Variants in TTC21A observed in about 807,000 individuals in gnomAD.
TTC21A encodes the protein tetratricopeptide repeat domain 21A.
TTC21A carries 128 observed loss-of-function variants against 156.4 expected under a neutral mutation model. That is an observed-to-expected ratio of 0.82 (90% CI 0.71 to 0.95). The LOEUF (loss-of-function observed/expected upper bound fraction) is 0.95, where lower values mean the gene tolerates loss of function less well. Ranked by LOEUF, TTC21A falls within the 40% of genes least tolerant of loss-of-function variation. The pLI is 0.00. For synonymous variants in TTC21A, 587 were observed against 617.1 expected (o/e 0.95, Z 0.72); for missense variants, 1,435 against 1,602.3 (o/e 0.90, Z 1.78).
At chr3:39,131,135 G>A (rs756805739) in intron 19 of TTC21A, 40 bp downstream of exon 19, 1 of 1,522,550 alleles carries the variant, frequency 6.6e-7, no homozygotes, top group Non-Finnish European at 9.0e-7. Flanking sequence ...TCTGCCATCT[G>A]CTGATGGGGG....
intron 1 of TTC21A, chr3:39,108,304 T>G: frequency 5.6e-6 from 1 of 177,840 alleles, no homozygotes; most frequent in Non-Finnish European, 1.2e-5. Flanking sequence ...TTTTATCTTC[T>G]AGCCCAGAAC....
In TTC21A at chr3:39,130,420, C is replaced by T. The variant is rs917120871; in HGVS notation, c.2319+62C>T. On this transcript the variant is annotated intron_variant, in intron 17 of 28. Coordinates refer to ENST00000683103, the MANE Select transcript of TTC21A (RefSeq NM_001366900.1). The surrounding 1 kb of genome is among the most constrained non-coding windows in gnomAD (Gnocchi z 4.5). ...CCAGCCCAGCAGGGAAGGAGGAGGA[C>T]GGTACATGACTGGGGAGCTCTGGGT... is the stretch of plus-strand genomic sequence containing the variant. 58 of 1,343,736 alleles carry T rather than the reference C, an allele frequency of 4.3e-5. No homozygotes were observed. Among genetic ancestry groups the T allele is most frequent in the Admixed American group, 6.3e-5 (3 of 47,834 alleles). The allele number at this position is 1,343,736 out of a possible 1,614,324, so 83.2% of individuals were successfully genotyped here. A position where few individuals can be genotyped will look rare whatever the true frequency, so the allele number is the denominator to read the frequency against.
intron 13 of TTC21A, 96 bp downstream of exon 13, chr3:39,128,584 G>A (rs1421876862): frequency 7.0e-5 from 111 of 1,576,834 alleles, no homozygotes; most frequent in Non-Finnish European, 8.4e-5. Context: ...GCTGTGTCCC[G>A]TAGATCTTTC....
intron 7 of TTC21A, chr3:39,119,005 T>C (rs1324824839): frequency 6.6e-6 from 1 of 152,142 alleles, no homozygotes; most frequent in Non-Finnish European, 1.5e-5. Context: ...AATAAGAGAA[T>C]AGGACTATCC....
chr3:39,115,491 T>A (rs2037210161), intron 6 of TTC21A, among the ~76,000 whole-genome samples: 1 of 152,082 alleles, frequency 6.6e-6, no homozygotes, highest in African/African-American at 2.4e-5. Flanking sequence ...TGAGACCTTG[T>A]CTCTACAGAA....
At chr3:39,128,574 G>A in intron 13 of TTC21A, 86 bp downstream of exon 13, 1 of 1,582,464 alleles carries the variant, frequency 6.3e-7, no homozygotes, top group Admixed American at 1.7e-5. Flanking sequence ...CCAGGGGCTA[G>A]CTGTGTCCCG....
In TTC21A at chr3:39,138,324, A is replaced by C; in HGVS notation, c.3733A>C (p.Lys1245Gln). 1 of 1,614,170 alleles carries C rather than the reference A, an allele frequency of 6.2e-7. No individual in the cohort carries two copies. Among genetic ancestry groups the C allele is most frequent in the Non-Finnish European group, 8.5e-7 (1 of 1,180,014 alleles). Residue 1245 changes from lysine to glutamine, a missense_variant, in exon 27 of 29, where the codon AAG (lysine) becomes CAG (glutamine). Physicochemically the swap from Lys to Gln is moderately conservative, Grantham distance 53 (BLOSUM62 1). Coordinates refer to ENST00000683103, the MANE Select transcript of TTC21A (RefSeq NM_001366900.1). Reference protein sequence around the residue: ...GFIMEKEQSYKDAVTNYKLAW... With the variant: ...GFIMEKEQSYQDAVTNYKLAW... ...CATCATGGAGAAGGAGCAGTCCTAC[A>C]AGGATGCAGTCACCAACTACAAACT...
intron 5 of TTC21A, among the ~76,000 whole-genome samples, chr3:39,113,112 T>G (rs1391471965): frequency 6.6e-6 from 1 of 152,244 alleles, no homozygotes; most frequent in East Asian, 1.9e-4. Context: ...TTGCATATAT[T>G]TTTATTATAA....
rs148780279 is a variant in TTC21A, at chr3:39,118,436, G to A, written c.801+283G>A. ...GCAGGTGTCCCCACCTGGATAAGCC[G>A]CAGGCTTCCTGTTTGTAAAATAGAC... On this transcript the variant is annotated intron_variant, in intron 7 of 28. Coordinates refer to ENST00000683103, the MANE Select transcript of TTC21A (RefSeq NM_001366900.1). 2.5e-3 allele frequency: 1,273 copies of A among 507,452 alleles called. 5 individuals carry two copies. Among genetic ancestry groups the A allele is most frequent in the Non-Finnish European group, 3.8e-3 (1,070 of 281,852 alleles). The allele number at this position is 507,452 out of a possible 1,614,324, so 31.4% of individuals were successfully genotyped here. A position where few individuals can be genotyped will look rare whatever the true frequency, so the allele number is the denominator to read the frequency against.
rs1409158454 is a variant in TTC21A at position 39,130,135 on chromosome 3, T to C, written c.2192T>C (p.Leu731Ser). 6.2e-7 allele frequency: 1 copy of C among 1,614,034 alleles called. No homozygotes were observed. The highest frequency in any genetic ancestry group is 2.2e-5 in the East Asian group (1 of 44,884). Residue 731 changes from leucine to serine, a missense_variant, in exon 16 of 29, where the codon TTA (leucine) becomes TCA (serine). Transcript: ENST00000683103. The surrounding 1 kb of genome is among the most constrained non-coding windows in gnomAD (Gnocchi z 4.5). Reference protein sequence around the residue: ...PHTSLLLGDALMSILEPEKAL... With the variant: ...PHTSLLLGDASMSILEPEKAL... ...ACCAGCCTGCTACTGGGCGATGCCT[T>C]AATGAGCATTCTGGAGGTAAGTGAG...
chr3:39,136,846 C>T (rs550574408), intron 23 of TTC21A, 53 bp from the exon 24 acceptor site: 3 of 1,600,746 alleles, frequency 1.9e-6, no homozygotes, highest in East Asian at 2.2e-5. Flanking sequence ...ATATCCCTGC[C>T]CTGTCTGGGC....
At chr3:39,111,552 G>C (rs1179473575) in intron 4 of TTC21A, among the ~76,000 whole-genome samples, 1 of 152,130 alleles carries the variant, frequency 6.6e-6, no homozygotes, top group East Asian at 1.9e-4. Flanking sequence ...CTGTATATCT[G>C]CACTAATATG....
At position 39,138,694 on chromosome 3, in the gene TTC21A, T is replaced by C. The variant is rs2039326519; in HGVS notation, c.3865-17T>C. Reference sequence around the variant, plus strand: ...AAACCTGCATGATACTGCACACCCATTCTCTCTCTGTTCCAGGTCCTCAGG... The same window carrying C: ...AAACCTGCATGATACTGCACACCCACTCTCTCTCTGTTCCAGGTCCTCAGG... On this transcript the variant is annotated splice_polypyrimidine_tract_variant and intron_variant, in intron 28 of 28. Transcript: ENST00000683103. 1.2e-6 allele frequency: 2 copies of C among 1,614,048 alleles called. No individual in the cohort carries two copies. Among genetic ancestry groups the C allele is most frequent in the Non-Finnish European group, 8.5e-7 (1 of 1,179,924 alleles).
At chr3:39,108,795 A>G (rs1328990850) in intron 1 of TTC21A, among the ~76,000 whole-genome samples, 1 of 152,096 alleles carries the variant, frequency 6.6e-6, no homozygotes, top group Non-Finnish European at 1.5e-5. Context: ...TTCCCCCCTT[A>G]TTCCCTTCCT....
chr3:39,135,075 T>C lies in TTC21A; in HGVS notation c.2863-18T>C, dbSNP rs1575560119. 6.2e-7 allele frequency: 1 copy of C among 1,612,588 alleles called. No individual in the cohort carries two copies. The highest frequency in any genetic ancestry group is 1.7e-4 in the Middle Eastern group (1 of 5,978). On this transcript the variant is annotated intron_variant, in intron 21 of 28. Coordinates refer to ENST00000683103, the MANE Select transcript of TTC21A (RefSeq NM_001366900.1). ...TGCCACTGTTGGGAAATCTGGAGCT[T>C]TGTGTGTTTTCTGATAGTTGATGGC...
At chr3:39,137,752 A>G (rs774806923) in intron 26 of TTC21A, 42 bp downstream of exon 26, 1 of 1,563,798 alleles carries the variant, frequency 6.4e-7, no homozygotes, top group Non-Finnish European at 8.7e-7. Flanking sequence ...GATGGCGGAA[A>G]GGATTCTAGG....
In TTC21A at chr3:39,125,175, G is replaced by A. The variant is rs1266401438; in HGVS notation, c.1191+15G>A. ...GGAAGTCTGAGGTCAGAGCTCCCTG[G>A]GGGTATGGGTTGCTCCAGGATGATG... On this transcript the variant is annotated intron_variant, in intron 10 of 28. Transcript: ENST00000683103. 2 of 1,600,926 alleles carry A rather than the reference G, an allele frequency of 1.2e-6. No individual in the cohort carries two copies. The highest frequency in any genetic ancestry group is 8.6e-7 in the Non-Finnish European group (1 of 1,168,930).
At chr3:39,111,295 C>T (rs1386611072) in intron 4 of TTC21A, among the ~76,000 whole-genome samples, 1 of 152,202 alleles carries the variant, frequency 6.6e-6, no homozygotes, top group Non-Finnish European at 1.5e-5. Flanking sequence ...TCACTGCAGC[C>T]TCAACCTCCT....
chr3:39,110,242 C>A (rs1340336631), intron 3 of TTC21A, 103 bp downstream of exon 3: 1 of 853,962 alleles, frequency 1.2e-6, no homozygotes, highest in South Asian at 1.4e-5. Context: ...AGGTATGTGC[C>A]CTGGTGGCTG....
Sources: gnomAD v4.1 joint callset for allele counts (sites outside exome capture counted in the v4.1 genomes callset) on GRCh38, gnomAD v4.1.1 for gene constraint, Gnocchi (gnomAD v3.1) non-coding constraint, MANE v1.5 for transcripts, NCBI Gene and HGNC (gene_info 2026-07-23, HGNC 2026-07-21) for gene names.